The following SSTR5 variants were observed in gnomAD, a reference collection of about 807,000 sequenced individuals.
SSTR5 encodes the protein somatostatin receptor type 5.
Under a neutral mutation model 0.3 loss-of-function variants are expected in SSTR5, and 1 was observed. The ratio of observed to expected loss-of-function variants is 2.98; its 90% CI spans 1.06 to 14.15. The LOEUF (loss-of-function observed/expected upper bound fraction) is 14.15. Ranked by LOEUF, SSTR5 falls within the 30% of genes most tolerant of loss-of-function variation. The pLI is 0.12. For synonymous variants in SSTR5, 256 were observed against 263.1 expected, an observed-to-expected ratio of 0.97 and a Z score of 0.26; for missense variants, 516 against 543.2, an observed-to-expected ratio of 0.95 and a Z score of 0.50.
At position 1,079,663 on chromosome 16, in the gene SSTR5, C is replaced by T; in HGVS notation, c.795C>T (p.Phe265=). The change falls in exon 2 of 2, where the codon TTC becomes TTT. Residue 265 remains phenylalanine, a synonymous_variant. Coordinates refer to ENST00000689027, the MANE Select transcript of SSTR5 (RefSeq NM_001172560.3). The stretch of plus-strand genomic sequence containing the variant: ...TTGCGGGATGTTGGCTGCCCTTCTT[C>T]ACCGTCAACATCGTCAACCTGGCCG... ...LVFAGCWLPF[F]TVNIVNLAVA... is the part of the protein sequence containing the mutation. 6.2e-7 allele frequency: 1 copy of T among 1,612,632 alleles called. No homozygotes were observed. The highest frequency in any genetic ancestry group is 8.5e-7 in the Non-Finnish European group (1 of 1,179,732).
rs956085947 is a variant in SSTR5 at position 1,080,969 on chromosome 16, GC to G, written c.*1007del. On this transcript the variant is annotated 3_prime_UTR_variant, in exon 2 of 2. Transcript: ENST00000689027. Reference sequence around the variant, plus strand: ...ACAGGAGCAGAGGACGGTCATCCAGGCGCAGCGGGGAGCTGCTCCCCAGGCC... The same window carrying G: ...ACAGGAGCAGAGGACGGTCATCCAGGGCAGCGGGGAGCTGCTCCCCAGGCC... 4.4e-6 allele frequency: 2 copies of G among 453,278 alleles called. No individual in the cohort carries two copies. Among genetic ancestry groups the G allele is most frequent in the African/African-American group, 4.0e-5 (2 of 49,514 alleles). 28.1% of individuals were successfully genotyped at this position (453,278 alleles called of 1,614,324 possible). A position where few individuals can be genotyped will look rare whatever the true frequency, so the allele number is the denominator to read the frequency against.
chr16:1,078,874 GC>G lies in SSTR5; in HGVS notation c.10del (p.Leu4CysfsTer68). 2 of 1,605,612 alleles carry G rather than the reference GC, an allele frequency of 1.2e-6. No homozygotes were observed. MEPLFPASTPSWN... is the reference protein window; with the variant it reads MEXLFPASTPSWN... ...CGCACCCCAGGGCTGCCGCCATGGA[GC>G]CCCTGTTCCCAGCCTCCACGCCCAG... On this transcript the variant is annotated frameshift_variant, in exon 2 of 2. Coordinates refer to ENST00000689027, the MANE Select transcript of SSTR5 (RefSeq NM_001172560.3). LOFTEE classifies it low-confidence loss of function (END_TRUNC).
rs1395422338 is a variant in SSTR5 at position 1,079,456 on chromosome 16, G to A, written c.588G>A (p.Leu196=). The change falls in exon 2 of 2, where the codon CTG becomes CTA. Residue 196 remains leucine (L), a synonymous_variant. Transcript: ENST00000689027. ...CCAGCTGGCCGGAGCCCGTGGGGCT[G>A]TGGGGCGCCGTCTTCATCATCTACA... ...CNASWPEPVG[L]WGAVFIIYTA... is the part of the protein sequence containing the mutation. The A allele has an allele frequency of 5.0e-6, 8 of 1,608,194 alleles. No homozygotes were observed. The highest frequency in any genetic ancestry group is 6.8e-6 in the Non-Finnish European group (8 of 1,177,746).
intron 1 of SSTR5, among the ~76,000 whole-genome samples, chr16:1,074,068 G>T (rs891843300): frequency 2.0e-5 from 3 of 152,190 alleles, no homozygotes; most frequent in African/African-American, 7.2e-5. Flanking sequence ...GTGTATGTGG[G>T]GGACAGGCAG....
In SSTR5 at chr16:1,080,063, G is replaced by A; in HGVS notation, c.*100G>A. 6.9e-7 allele frequency: 1 copy of A among 1,440,428 alleles called. No individual in the cohort carries two copies. The allele number at this position is 1,440,428 out of a possible 1,614,324, so 89.2% of individuals were successfully genotyped here. On this transcript the variant is annotated 3_prime_UTR_variant, in exon 2 of 2. Transcript: ENST00000689027. ...GACCTGCCAGTCAGGATGCTCCCCG[G>A]CGGTGGTGTGAGGACAGAGCTGGCT... is the stretch of plus-strand genomic sequence containing the variant.
chr16:1,077,198 C>T (rs921572781), intron 1 of SSTR5, among the ~76,000 whole-genome samples: 2 of 152,180 alleles, frequency 1.3e-5, no homozygotes, highest in African/African-American at 4.8e-5. Flanking sequence ...GAGGTGCCTC[C>T]AGGGTCAGGG....
At position 1,079,636 on chromosome 16, in the gene SSTR5, G is replaced by C. The variant is rs1960315478; in HGVS notation, c.768G>C (p.Val256=). 5.0e-6 allele frequency: 8 copies of C among 1,612,386 alleles called. No individual in the cohort carries two copies. The highest frequency in any genetic ancestry group is 6.8e-6 in the Non-Finnish European group (8 of 1,179,400). Residue 256 remains valine, a synonymous_variant, in exon 2 of 2, where the codon GTG becomes GTC. Transcript: ENST00000689027. ...VTRMVLVVVL[V]FAGCWLPFFT... is the part of the protein sequence containing the mutation. ...GCATGGTGTTGGTGGTGGTGCTGGT[G>C]TTTGCGGGATGTTGGCTGCCCTTCT... is the stretch of plus-strand genomic sequence containing the variant.
Position 1,079,693 on chromosome 16 carries a change from G to A in SSTR5, c.825G>A (p.Ala275=), listed in dbSNP as rs541224046. 1.1e-5 allele frequency: 18 copies of A among 1,612,168 alleles called. No individual in the cohort carries two copies. Among genetic ancestry groups the A allele is most frequent in the East Asian group, 4.5e-5 (2 of 44,870 alleles). ...TCAACATCGTCAACCTGGCCGTGGCGCTGCCCCAGGAGCCCGCCTCCGCCG... is the reference window on the plus strand; with the variant it reads ...TCAACATCGTCAACCTGGCCGTGGCACTGCCCCAGGAGCCCGCCTCCGCCG... ...FTVNIVNLAV[A]LPQEPASAGL... Residue 275 remains alanine (A), a synonymous_variant, in exon 2 of 2, where the codon GCG becomes GCA. Coordinates refer to ENST00000689027, the MANE Select transcript of SSTR5 (RefSeq NM_001172560.3).
chr16:1,080,206 G>C lies in SSTR5; in HGVS notation c.*243G>C, dbSNP rs2036772551. The C allele has an allele frequency of 1.8e-6, 1 of 548,200 alleles. No homozygotes were observed. Among genetic ancestry groups the C allele is most frequent in the Non-Finnish European group, 3.2e-6 (1 of 311,244 alleles). The allele number at this position is 548,200 out of a possible 1,614,324, so 34.0% of individuals were successfully genotyped here. A position where few individuals can be genotyped will look rare whatever the true frequency, so the allele number is the denominator to read the frequency against. On this transcript the variant is annotated 3_prime_UTR_variant, in exon 2 of 2. Coordinates refer to ENST00000689027, the MANE Select transcript of SSTR5 (RefSeq NM_001172560.3). Reference sequence around the variant, plus strand: ...AGGTAGGGGAGGTGGCCAGACCGGTGGGGGGCTCCGCCATGCCGTGCAAGT... The same window carrying C: ...AGGTAGGGGAGGTGGCCAGACCGGTCGGGGGCTCCGCCATGCCGTGCAAGT...
In SSTR5 at chr16:1,079,557, C is replaced by T. The variant is rs371339888; in HGVS notation, c.689C>T (p.Ala230Val). 3.1e-5 allele frequency: 50 copies of T among 1,611,620 alleles called. 1 individual carries two copies. The East Asian group carries it at 5.1e-4, about 17-fold the overall frequency. Residue 230 changes from alanine to valine, a missense_variant, in exon 2 of 2, where the codon GCG (alanine) becomes GTG (valine). Physicochemically the swap from Ala to Val is moderately conservative, Grantham distance 64. Coordinates refer to ENST00000689027, the MANE Select transcript of SSTR5 (RefSeq NM_001172560.3). ...CYLLIVVKVR[A>V]AGVRVGCVRR... ...CTGCTCATCGTGGTGAAGGTGAGGGCGGCGGGCGTGCGCGTGGGCTGCGTG... is the reference window on the plus strand; with the variant it reads ...CTGCTCATCGTGGTGAAGGTGAGGGTGGCGGGCGTGCGCGTGGGCTGCGTG...
rs746279992 is a variant in SSTR5, at chr16:1,079,538, A to C, written c.670A>C (p.Ile224Leu). 1 of 1,612,096 alleles carries C rather than the reference A, an allele frequency of 6.2e-7. No individual in the cohort carries two copies. The highest frequency in any genetic ancestry group is 8.5e-7 in the Non-Finnish European group (1 of 1,179,478). Reference sequence around the variant, plus strand: ...GGTCATCTGCCTGTGCTACCTGCTCATCGTGGTGAAGGTGAGGGCGGCGGG... The same window carrying C: ...GGTCATCTGCCTGTGCTACCTGCTCCTCGTGGTGAAGGTGAGGGCGGCGGG... The part of the protein sequence containing the change: ...LLVICLCYLL[I>L]VVKVRAAGVR... The change falls in exon 2 of 2, where the codon ATC (isoleucine) becomes CTC (leucine). Residue 224 changes from isoleucine (I) to leucine (L), a missense_variant. Physicochemically the swap from Ile to Leu is conservative, Grantham distance 5 (BLOSUM62 2). Coordinates refer to ENST00000689027, the MANE Select transcript of SSTR5 (RefSeq NM_001172560.3).
intron 1 of SSTR5, chr16:1,078,617 C>G: frequency 1.7e-6 from 1 of 578,526 alleles, no homozygotes; most frequent in Non-Finnish European, 3.1e-6. Context: ...AGCAGCCGTC[C>G]GTCTGGGCTC....
At position 1,079,002 on chromosome 16, in the gene SSTR5, T is replaced by A; in HGVS notation, c.134T>A (p.Val45Glu). 6.3e-7 allele frequency: 1 copy of A among 1,597,920 alleles called. No individual in the cohort carries two copies. Among genetic ancestry groups the A allele is most frequent in the Non-Finnish European group, 8.5e-7 (1 of 1,173,858 alleles). The change falls in exon 2 of 2, where the codon GTG becomes GAG. Residue 45 changes from valine (V) to glutamate (E), a missense_variant. Val to Glu is a moderately radical substitution (Grantham distance 121). Transcript: ENST00000689027. ...GGGGCCCGGGCGGTGCTGGTGCCCG[T>A]GCTGTACCTGCTGGTGTGTGCGGCC... Reference protein sequence around the residue: ...SAGARAVLVPVLYLLVCAAGL... With the variant: ...SAGARAVLVPELYLLVCAAGL...
chr16:1,072,818 C>T lies in SSTR5; in HGVS notation c.-32C>T, dbSNP rs917546652. Among the ~76,000 whole-genome samples, 1 of 151,628 alleles carries T rather than the reference C, an allele frequency of 6.6e-6. No individual in the cohort carries two copies. The highest frequency in any genetic ancestry group is 2.4e-5 in the African/African-American group (1 of 41,322). ...CTCCCCCGTTCAGAGGGCGCCGCCG[C>T]CCAGGTGAGTGCCGCCCGCCCCTGT... On this transcript the variant is annotated 5_prime_UTR_variant, in exon 1 of 2. Transcript: ENST00000689027.
Position 1,078,646 on chromosome 16 carries a change from C to A in SSTR5, c.-27-196C>A, listed in dbSNP as rs564034985. On this transcript the variant is annotated intron_variant, in intron 1 of 1. Transcript: ENST00000689027. The stretch of plus-strand genomic sequence containing the variant: ...TGGGCTCCCGGGGCCACCTGCCCGC[C>A]GCTCCTTCCTCTCCTGGCTTATTTT... 3.4e-5 allele frequency: 21 copies of A among 622,170 alleles called. No homozygotes were observed. In the African/African-American group the frequency reaches 3.7e-4, roughly 11 times the overall value. 38.5% of individuals were successfully genotyped at this position (622,170 alleles called of 1,614,324 possible).
intron 1 of SSTR5, among the ~76,000 whole-genome samples, chr16:1,076,940 T>C (rs559529247): frequency 2.0e-5 from 3 of 152,352 alleles, no homozygotes; most frequent in South Asian, 2.1e-4. Context: ...ATGGGTCCAC[T>C]GGCCCTGTTG....
Position 1,080,160 on chromosome 16 carries a change from C to CCTCTA in SSTR5, c.*197_*198insCTCTA. ...CCGACCATCCCCTCTAACCGTCTGC[C>CCTCTA]ACACAGCGGGGGCTCCCGGGAGGTA... On this transcript the variant is annotated 3_prime_UTR_variant, in exon 2 of 2. Coordinates refer to ENST00000689027, the MANE Select transcript of SSTR5 (RefSeq NM_001172560.3). The CCTCTA allele has an allele frequency of 1.4e-6, 1 of 739,592 alleles. No individual in the cohort carries two copies. The allele number at this position is 739,592 out of a possible 1,614,324, so 45.8% of individuals were successfully genotyped here. A position where few individuals can be genotyped will look rare whatever the true frequency, so the allele number is the denominator to read the frequency against.
At chr16:1,075,135 A>T (rs1299419062) in intron 1 of SSTR5, among the ~76,000 whole-genome samples, 1 of 152,182 alleles carries the variant, frequency 6.6e-6, no homozygotes, top group African/African-American at 2.4e-5. Context: ...TTCAGAGGAT[A>T]CTGCTTCCAA....
In SSTR5 at chr16:1,080,120, G is replaced by A; in HGVS notation, c.*157G>A. ...AGGCTGGGGTAGACACAGGGCAGTA[G>A]GTTCCCCACCGTGACCGACCATCCC... On this transcript the variant is annotated 3_prime_UTR_variant, in exon 2 of 2. Coordinates refer to ENST00000689027, the MANE Select transcript of SSTR5 (RefSeq NM_001172560.3). 4.9e-6 allele frequency: 5 copies of A among 1,020,410 alleles called. No individual in the cohort carries two copies. The highest frequency in any genetic ancestry group is 5.9e-5 in the Admixed American group (2 of 33,644). 63.2% of individuals were successfully genotyped at this position (1,020,410 alleles called of 1,614,324 possible).
Sources: allele counts gnomAD v4.1 joint callset (sites outside exome capture counted in the v4.1 genomes callset), GRCh38; gene constraint gnomAD v4.1.1; transcripts MANE v1.5; gene names NCBI Gene and HGNC (gene_info 2026-07-23, HGNC 2026-07-21).